The following ALX4 variants were observed in gnomAD, a reference collection of about 807,000 sequenced individuals.
The protein encoded by ALX4 is ALX homeobox 4, also known as homeobox protein aristaless-like 4.
In ALX4, 22 loss-of-function variants were observed where a neutral mutation model predicts 40.6. The ratio of observed to expected loss-of-function variants is 0.54; its 90% confidence interval spans 0.39 to 0.77. The LOEUF is 0.77. Among genes scored for constraint, ALX4 ranks in the 30% least tolerant of loss-of-function variants. ALX4 has a pLI of 0.00. For missense variants in ALX4, 556 were observed against 564.8 expected (o/e 0.98, Z 0.16); for synonymous variants, 266 against 240.5 (o/e 1.11, Z -0.98).
At chr11:44,274,113 C>T (rs888302985) in intron 2 of ALX4, among the ~76,000 whole-genome samples, 2 of 152,066 alleles carry the variant, frequency 1.3e-5, no homozygotes, top group African/African-American at 4.8e-5. Flanking sequence ...GCACTCCAGC[C>T]TGGGTGATAG....
intron 1 of ALX4, among the ~76,000 whole-genome samples, chr11:44,277,075 T>G (rs566501903): frequency 5.9e-5 from 9 of 152,206 alleles, no homozygotes; most frequent in Non-Finnish European, 1.3e-4. Context: ...CTACCCGCTA[T>G]GTGCCTCAGT....
Position 44,275,621 on chromosome 11 carries a change from AGG to A in ALX4, c.502_503del (p.Pro168Ter). ...ESSLGEPELPPDSDTVGMDSS... is the reference protein window; with the variant it reads ...ESSLGEPELPXDSDTVGMDSS... Reference sequence around the variant, plus strand: ...TGTCCATCCCCACAGTGTCAGAGTCAGGGGGTAACTCTGGCTCACCCAGGGAG... The same window carrying A: ...TGTCCATCCCCACAGTGTCAGAGTCAGGGTAACTCTGGCTCACCCAGGGAG... On this transcript the variant is annotated frameshift_variant, in exon 2 of 4. Coordinates refer to ENST00000652299, the MANE Select transcript of ALX4 (RefSeq NM_021926.4). LOFTEE classifies it high-confidence loss of function. 6.2e-7 allele frequency: 1 copy of A among 1,613,580 alleles called. No homozygotes were observed. The highest frequency in any genetic ancestry group is 8.5e-7 in the Non-Finnish European group (1 of 1,179,644).
At chr11:44,266,175 C>T (rs1956212651) in intron 3 of ALX4, among the ~76,000 whole-genome samples, 1 of 152,130 alleles carries the variant, frequency 6.6e-6, no homozygotes, top group South Asian at 2.1e-4. Flanking sequence ...GGTTGGCCTC[C>T]ATCACCCCCT....
At chr11:44,273,303 T>C (rs948217655) in intron 2 of ALX4, among the ~76,000 whole-genome samples, 1 of 152,196 alleles carries the variant, frequency 6.6e-6, no homozygotes, top group Non-Finnish European at 1.5e-5. Context: ...ATTTCCAACA[T>C]GCTTTGGGTT....
intron 2 of ALX4, among the ~76,000 whole-genome samples, chr11:44,273,735 G>C (rs1956261892): frequency 2.0e-5 from 3 of 152,026 alleles, no homozygotes; most frequent in African/African-American, 7.2e-5. Context: ...GGGATTACTT[G>C]AGGCCAGGAG....
chr11:44,298,615 C>A (rs1048123152), intron 1 of ALX4, among the ~76,000 whole-genome samples: 14 of 152,016 alleles, frequency 9.2e-5, no homozygotes, highest in African/African-American at 3.4e-4. Flanking sequence ...TTGGCTAGAG[C>A]CGACCCCGGG....
intron 1 of ALX4, among the ~76,000 whole-genome samples, chr11:44,280,418 G>A: frequency 6.6e-6 from 1 of 152,210 alleles, no homozygotes; most frequent in South Asian, 2.1e-4. Context: ...TCAGAGCCTT[G>A]GGGCACCTCG....
intron 2 of ALX4, among the ~76,000 whole-genome samples, chr11:44,274,651 G>A (rs1956267435): frequency 1.3e-5 from 2 of 152,088 alleles, no homozygotes; most frequent in African/African-American, 4.8e-5. Context: ...GCACTGAGTT[G>A]GGTTGAGTGT....
At chr11:44,283,234 C>T in intron 1 of ALX4, among the ~76,000 whole-genome samples, 1 of 95,640 alleles carries the variant, frequency 1.0e-5, no homozygotes, top group South Asian at 3.2e-4. Context: ...GCAACAAGAG[C>T]AAAACTCCAT....
chr11:44,294,828 C>CTATTTATTTATT (rs60988016), intron 1 of ALX4, among the ~76,000 whole-genome samples: 12 of 148,342 alleles, frequency 8.1e-5, no homozygotes, highest in East Asian at 6.0e-4. Flanking sequence ...AGATCCTTAC[C>CTATTTATTTATT]TATTTATTTA....
chr11:44,287,250 G>A (rs564845181), intron 1 of ALX4, among the ~76,000 whole-genome samples: 1 of 152,268 alleles, frequency 6.6e-6, no homozygotes, highest in South Asian at 2.1e-4. Flanking sequence ...GCTTCCCAGA[G>A]TCCAGGAACG....
intron 1 of ALX4, among the ~76,000 whole-genome samples, chr11:44,285,503 A>G (rs1006126051): frequency 1.3e-5 from 2 of 152,204 alleles, no homozygotes; most frequent in South Asian, 4.1e-4. Flanking sequence ...AACTAGAAAT[A>G]TGAAGTTCAA....
chr11:44,271,794 T>C (rs529953380), intron 2 of ALX4, among the ~76,000 whole-genome samples: 2 of 152,228 alleles, frequency 1.3e-5, no homozygotes, highest in African/African-American at 2.4e-5. Context: ...TTTGTTTTCA[T>C]GTTTTGTACT....
At chr11:44,304,020 T>C (rs1229350954) in intron 1 of ALX4, among the ~76,000 whole-genome samples, 1 of 152,164 alleles carries the variant, frequency 6.6e-6, no homozygotes, top group Non-Finnish European at 1.5e-5. Flanking sequence ...CTGGGAAGGC[T>C]CACTGGCTGG....
At chr11:44,267,995 T>G (rs1190153038) in intron 2 of ALX4, among the ~76,000 whole-genome samples, 1 of 152,218 alleles carries the variant, frequency 6.6e-6, no homozygotes, top group Non-Finnish European at 1.5e-5. Flanking sequence ...CAAATGCTCC[T>G]CCAGATGTGT....
intron 1 of ALX4, among the ~76,000 whole-genome samples, chr11:44,295,250 A>T (rs1224881187): frequency 3.9e-5 from 6 of 152,230 alleles, no homozygotes; most frequent in Admixed American, 6.5e-5. Flanking sequence ...TGAGGCAAAG[A>T]GGTCAACTAA....
At chr11:44,281,303 T>G (rs1453722524) in intron 1 of ALX4, among the ~76,000 whole-genome samples, 2 of 151,870 alleles carry the variant, frequency 1.3e-5, no homozygotes, top group Admixed American at 6.6e-5. Flanking sequence ...TGTGCATGCT[T>G]GTGTGGTCAA....
rs746826513 is a variant in ALX4 at position 44,267,580 on chromosome 11, G to A, written c.820C>T (p.Arg274Cys). The A allele has an allele frequency of 1.1e-5, 17 of 1,613,970 alleles. No individual in the cohort carries two copies. The highest frequency in any genetic ancestry group is 1.7e-5 in the Admixed American group (1 of 60,000). The change falls in exon 3 of 4, where the codon CGT (arginine) becomes TGT (cysteine). Residue 274 changes from arginine to cysteine, a missense_variant. Coordinates refer to ENST00000652299, the MANE Select transcript of ALX4 (RefSeq NM_021926.4). ...CGAACCTGCTGCATCTGCCCAAAACGCTCCCGCTTCCTCCACTTGGCCCTT... is the reference window on the plus strand; with the variant it reads ...CGAACCTGCTGCATCTGCCCAAAACACTCCCGCTTCCTCCACTTGGCCCTT... ...NRRAKWRKRE[R>C]FGQMQQVRTH...
chr11:44,277,159 G>T (rs1176055401), intron 1 of ALX4, among the ~76,000 whole-genome samples: 1 of 152,180 alleles, frequency 6.6e-6, no homozygotes, highest in East Asian at 1.9e-4. Context: ...AAATAAAGAG[G>T]CTAGTGTGCT....
Sources: gnomAD v4.1 joint callset for allele counts (sites outside exome capture counted in the v4.1 genomes callset) on GRCh38, gnomAD v4.1.1 for gene constraint, MANE v1.5 for transcripts, NCBI Gene and HGNC (gene_info 2026-07-23, HGNC 2026-07-21) for gene names.